Variants in DOCK5 observed in about 807,000 individuals in gnomAD.
The protein encoded by DOCK5 is dedicator of cytokinesis protein 5.
In DOCK5, 142 loss-of-function variants were observed where a neutral mutation model predicts 251.8. That is an observed-to-expected ratio of 0.56 (90% CI 0.49 to 0.65). The LOEUF (loss-of-function observed/expected upper bound fraction) is 0.65. Ranked by LOEUF, DOCK5 falls within the 30% of genes least tolerant of loss-of-function variation. The probability of loss-of-function intolerance (pLI) is 0.00; values close to 1 mark genes in which losing one functional copy is unlikely to be tolerated. For missense variants in DOCK5, 2,111 were observed against 2,312.3 expected, an observed-to-expected ratio of 0.91 and a Z score of 1.79; for synonymous variants, 842 against 835.5, an observed-to-expected ratio of 1.01 and a Z score of -0.13.
chr8:25,348,870 C>A (rs1418123192), intron 26 of DOCK5, among the ~76,000 whole-genome samples: 1 of 151,932 alleles, frequency 6.6e-6, no homozygotes, highest in Admixed American at 6.6e-5. Flanking sequence ...GTACCACTCA[C>A]CCGCACCCCC....
chr8:25,369,878 T>C (rs1800843671), intron 34 of DOCK5, among the ~76,000 whole-genome samples: 1 of 152,320 alleles, frequency 6.6e-6, no homozygotes, highest in Admixed American at 6.5e-5. Context: ...ACACAGCAGA[T>C]GGAGGCAAGG....
Position 25,382,782 on chromosome 8 carries a change from A to G in DOCK5, c.4131+4A>G. ...GGGCTTTCCTTCTTTCCTACGGGTAAGAAACCTGATGGTGGTCTCCCAGGC... is the reference window on the plus strand; with the variant it reads ...GGGCTTTCCTTCTTTCCTACGGGTAGGAAACCTGATGGTGGTCTCCCAGGC... On this transcript the variant is annotated splice_donor_region_variant and intron_variant, in intron 40 of 51. Coordinates refer to ENST00000276440, the MANE Select transcript of DOCK5 (RefSeq NM_024940.8). 1.2e-6 allele frequency: 2 copies of G among 1,609,500 alleles called. No homozygotes were observed. The highest frequency in any genetic ancestry group is 1.1e-5 in the South Asian group (1 of 90,588).
intron 33 of DOCK5, among the ~76,000 whole-genome samples, chr8:25,369,145 G>A (rs1183271218): frequency 1.3e-5 from 2 of 152,158 alleles, no homozygotes; most frequent in African/African-American, 2.4e-5. Context: ...TGTCTTCTCT[G>A]TGCCTCTGTT....
In DOCK5 at chr8:25,359,008, G is replaced by T; in HGVS notation, c.2896G>T (p.Asp966Tyr). Reference protein sequence around the residue: ...CMIALLQQMDDSHYSHYISTF... With the variant: ...CMIALLQQMDYSHYSHYISTF... The stretch of plus-strand genomic sequence containing the variant: ...GATTGCCCTGCTGCAGCAAATGGAC[G>T]ACAGCCACTATAGCCACTACATCAG... The change falls in exon 28 of 52, where the codon GAC (aspartate) becomes TAC (tyrosine). Residue 966 changes from aspartate (D) to tyrosine (Y), a missense_variant. Around this residue, in one of 3 missense-constraint regions of DOCK5, gnomAD observed 1,717 missense variants for 1,892.4 expected, o/e 0.91. Coordinates refer to ENST00000276440, the MANE Select transcript of DOCK5 (RefSeq NM_024940.8). 8 of 1,613,928 alleles carry T rather than the reference G, an allele frequency of 5.0e-6. No individual in the cohort carries two copies. The highest frequency in any genetic ancestry group is 6.8e-6 in the Non-Finnish European group (8 of 1,179,882).
At chr8:25,352,215 A>C (rs1800482007) in intron 27 of DOCK5, among the ~76,000 whole-genome samples, 1 of 147,484 alleles carries the variant, frequency 6.8e-6, no homozygotes, top group African/African-American at 2.5e-5. Context: ...CCTGCCTTTG[A>C]AAAAGAAAAA....
chr8:25,355,239 A>G (rs935826396), intron 27 of DOCK5, among the ~76,000 whole-genome samples: 2 of 152,152 alleles, frequency 1.3e-5, no homozygotes, highest in African/African-American at 4.8e-5. Flanking sequence ...GTCTCTATTT[A>G]GAAAAAAAAA....
At chr8:25,194,581 C>G (rs1175600116) in intron 1 of DOCK5, among the ~76,000 whole-genome samples, 5 of 152,082 alleles carry the variant, frequency 3.3e-5, no homozygotes, top group Non-Finnish European at 5.9e-5. Flanking sequence ...CATTCCCATT[C>G]ATTTGCTGCA....
At position 25,411,450 on chromosome 8, in the gene DOCK5, C is replaced by A. The variant is rs1034201819; in HGVS notation, c.*152C>A. The A allele has an allele frequency of 9.0e-6, 10 of 1,114,802 alleles. No individual in the cohort carries two copies. In the African/African-American group the frequency reaches 1.6e-4, roughly 18 times the overall value. The allele number at this position is 1,114,802 out of a possible 1,614,324, so 69.1% of individuals were successfully genotyped here. On this transcript the variant is annotated 3_prime_UTR_variant, in exon 52 of 52. Transcript: ENST00000276440. ...CCAGCCCAAAACCAGTCATGTTCTT[C>A]CAAAAGCTTCTCTTTGATAGAATTT... is the stretch of plus-strand genomic sequence containing the variant.
chr8:25,332,998 T>C (rs1306756114), intron 20 of DOCK5, among the ~76,000 whole-genome samples: 3 of 152,334 alleles, frequency 2.0e-5, no homozygotes, highest in East Asian at 1.9e-4. Flanking sequence ...ATCTGGAGCA[T>C]TGTTACATGT....
At chr8:25,386,054 A>T (rs1454656279) in intron 40 of DOCK5, among the ~76,000 whole-genome samples, 1 of 152,206 alleles carries the variant, frequency 6.6e-6, no homozygotes, top group East Asian at 1.9e-4. Context: ...TGTTGGTACC[A>T]GATAGCAGAG....
intron 34 of DOCK5, among the ~76,000 whole-genome samples, chr8:25,370,747 C>A (rs1800858870): frequency 6.6e-6 from 1 of 152,010 alleles, no homozygotes. Context: ...TTTAAGTGAT[C>A]CTCCCACTTC....
chr8:25,401,094 C>A (rs368403081), intron 47 of DOCK5, 28 bp downstream of exon 47: 1 of 1,610,784 alleles, frequency 6.2e-7, no homozygotes, highest in Admixed American at 1.7e-5. Flanking sequence ...AGCCTTCACA[C>A]CTTTTTCTAG....
At position 25,306,574 on chromosome 8, in the gene DOCK5, G is replaced by C. The variant is rs368395455; in HGVS notation, c.1050-2209G>C. The stretch of plus-strand genomic sequence containing the variant: ...CTGGGCACAGTGGCGGGCGCCTGTA[G>C]TCCCAGCTACTCGGGAGGCTGAGGC... On this transcript the variant is annotated intron_variant, in intron 11 of 51. Coordinates refer to ENST00000276440, the MANE Select transcript of DOCK5 (RefSeq NM_024940.8). Among the ~76,000 whole-genome samples the C allele has an allele frequency of 1.2e-3, 180 of 151,638 alleles. 5 individuals are homozygous for C. In the South Asian group the frequency reaches 0.036, roughly 30 times the overall value.
At chr8:25,261,586 G>A (rs2117584107) in intron 2 of DOCK5, among the ~76,000 whole-genome samples, 1 of 152,272 alleles carries the variant, frequency 6.6e-6, no homozygotes, top group East Asian at 1.9e-4. Flanking sequence ...ATCTGACGGT[G>A]TCAATTTTTA....
chr8:25,389,651 C>T (rs900667162), intron 41 of DOCK5, among the ~76,000 whole-genome samples: 4 of 152,104 alleles, frequency 2.6e-5, no homozygotes, highest in Admixed American at 2.6e-4. Flanking sequence ...CTAACTTTAC[C>T]ATTTACCAGT....
At chr8:25,392,377 G>A (rs1177241753) in intron 43 of DOCK5, among the ~76,000 whole-genome samples, 1 of 151,648 alleles carries the variant, frequency 6.6e-6, no homozygotes, top group East Asian at 1.9e-4. Context: ...GCTTCCACAG[G>A]AGAAACGATG....
chr8:25,298,710 G>T (rs993713343), intron 7 of DOCK5, among the ~76,000 whole-genome samples: 1 of 152,100 alleles, frequency 6.6e-6, no homozygotes, highest in African/African-American at 2.4e-5. Flanking sequence ...AGGTAGCTGG[G>T]ACTACAGGCA....
At chr8:25,384,284 C>T (rs1801120443) in intron 40 of DOCK5, among the ~76,000 whole-genome samples, 1 of 152,128 alleles carries the variant, frequency 6.6e-6, no homozygotes. Flanking sequence ...GGGAGGTTGG[C>T]TGCAGAAGGG....
At chr8:25,390,394 G>A (rs1586388430) in intron 42 of DOCK5, 107 bp downstream of exon 42, 1 of 1,037,752 alleles carries the variant, frequency 9.6e-7, no homozygotes, top group East Asian at 2.7e-5. Context: ...ATTGCTCGAA[G>A]CCAGGAATTT....
Sources: gnomAD v4.1 joint callset for allele counts (sites outside exome capture counted in the v4.1 genomes callset) on GRCh38, gnomAD v4.1.1 for gene constraint, gnomAD v4.1.1 regional missense constraint, MANE v1.5 for transcripts, NCBI Gene and HGNC (gene_info 2026-07-23, HGNC 2026-07-21) for gene names.